The following LARGE1 variants were observed in gnomAD, a reference collection of about 807,000 sequenced individuals.
LARGE1 encodes the protein xylosyl- and glucuronyltransferase LARGE1.
In LARGE1, 43 loss-of-function variants were observed where a neutral mutation model predicts 87.6. The ratio of observed to expected loss-of-function variants is 0.49; its 90% CI spans 0.38 to 0.63. LARGE1 has a LOEUF of 0.63. Among genes scored for constraint, LARGE1 ranks in the 30% least tolerant of loss-of-function variants. The pLI, the probability that LARGE1 is intolerant of heterozygous loss-of-function variation, is 0.00. For missense variants in LARGE1, 802 were observed against 1,000.2 expected (o/e 0.80, Z 2.67); for synonymous variants, 434 against 394.6 (o/e 1.10, Z -1.18).
chr22:33,581,632 T>C (rs573069305), intron 5 of LARGE1, among the ~76,000 whole-genome samples: 1 of 151,844 alleles, frequency 6.6e-6, no homozygotes, highest in South Asian at 2.1e-4. Context: ...ACCAACATGG[T>C]GAAACCCCAT....
rs140740926 is a variant in LARGE1 at position 33,543,050 on chromosome 22, GCT to G, written c.787+21796_787+21797del. 1.9e-3 allele frequency among the ~76,000 whole-genome samples: 289 copies of G among 152,176 alleles called. 2 individuals are homozygous for G. The highest frequency in any genetic ancestry group is 6.3e-3 in the African/African-American group (263 of 41,510). ...GTGCATGTAAGTAAAGCTACAAAATGCTCTGTTTCCCGCTGCTTCTGTACAAG... is the reference window on the plus strand; with the variant it reads ...GTGCATGTAAGTAAAGCTACAAAATGCTGTTTCCCGCTGCTTCTGTACAAG... On this transcript the variant is annotated intron_variant, in intron 6 of 14. Transcript: ENST00000397394.
chr22:33,879,366 T>C (rs1256217108), intron 1 of LARGE1, among the ~76,000 whole-genome samples: 1 of 152,136 alleles, frequency 6.6e-6, no homozygotes, highest in Non-Finnish European at 1.5e-5. Context: ...TAACATGGAA[T>C]CCTCCCAACA....
intron 1 of LARGE1, among the ~76,000 whole-genome samples, chr22:33,914,384 G>C (rs2065724930): frequency 6.6e-6 from 1 of 152,126 alleles, no homozygotes; most frequent in Non-Finnish European, 1.5e-5. Context: ...GTTACATTCA[G>C]GGCTTTGCAA....
intron 6 of LARGE1, among the ~76,000 whole-genome samples, chr22:33,438,919 G>C (rs151283024): frequency 6.6e-6 from 1 of 152,178 alleles, no homozygotes; most frequent in East Asian, 1.9e-4. Context: ...ATCAGATTAA[G>C]ATGATACAAG....
chr22:33,145,697 C>T, the LARGE1 span, among the ~76,000 whole-genome samples: 1 of 152,210 alleles, frequency 6.6e-6, no homozygotes, highest in Non-Finnish European at 1.5e-5. Context: ...GCCTTTTCCT[C>T]AAGTACCTCT....
chr22:33,893,874 C>T (rs183423188), intron 1 of LARGE1, among the ~76,000 whole-genome samples: 80 of 152,256 alleles, frequency 5.3e-4, no homozygotes, highest in Middle Eastern at 3.4e-3. Context: ...TATTAAGGCC[C>T]GCTGAACGTC....
intron 11 of LARGE1, among the ~76,000 whole-genome samples, chr22:33,204,782 C>T (rs1924594969): frequency 6.6e-6 from 1 of 152,076 alleles, no homozygotes; most frequent in Non-Finnish European, 1.5e-5. Context: ...GTGCTGTGTT[C>T]ATGCCTTAAT....
chr22:33,122,982 A>T, the LARGE1 span, among the ~76,000 whole-genome samples: 1 of 152,128 alleles, frequency 6.6e-6, no homozygotes, highest in South Asian at 2.1e-4. Flanking sequence ...TCTGTTGGAT[A>T]AGGGGGAGAA....
the LARGE1 span, among the ~76,000 whole-genome samples, chr22:33,141,514 A>G: frequency 6.6e-6 from 1 of 152,034 alleles, no homozygotes; most frequent in South Asian, 2.1e-4. Flanking sequence ...TTACAGTTAT[A>G]TACGTATAAA....
At chr22:33,309,019 G>A (rs186522894) in intron 11 of LARGE1, among the ~76,000 whole-genome samples, 14 of 152,212 alleles carry the variant, frequency 9.2e-5, no homozygotes, top group Admixed American at 5.9e-4. Context: ...TATTTCCAAT[G>A]CATCTGGTAT....
rs1205997009 is a variant in LARGE1, at chr22:33,550,197, G to GTA, written c.787+14649_787+14650dup. 1.7e-3 allele frequency among the ~76,000 whole-genome samples: 257 copies of GTA among 148,422 alleles called. 1 individual carries two copies. The highest frequency in any genetic ancestry group is 5.5e-3 in the African/African-American group (221 of 40,416). On this transcript the variant is annotated intron_variant, in intron 6 of 14. Coordinates refer to ENST00000397394, the MANE Select transcript of LARGE1 (RefSeq NM_133642.5). ...CACACATATATATATATGTATGTAT[G>GTA]TATATATATATAGAAGTTGTGGAAG...
intron 11 of LARGE1, among the ~76,000 whole-genome samples, chr22:33,259,046 A>C (rs1372647129): frequency 6.6e-6 from 1 of 151,580 alleles, no homozygotes; most frequent in Non-Finnish European, 1.5e-5. Context: ...CCTGGCTAAT[A>C]TATTTGTATT....
chr22:33,660,090 GTT>G (rs35643369), intron 2 of LARGE1, among the ~76,000 whole-genome samples: 44,171 of 124,544 alleles, frequency 0.35, 7,194 homozygotes, highest in South Asian at 0.54. Flanking sequence ...GTGTGTGTGT[GTT>G]TTTTTTTTTT....
intron 11 of LARGE1, among the ~76,000 whole-genome samples, chr22:33,252,256 C>G (rs1415737565): frequency 1.4e-5 from 2 of 138,710 alleles, no homozygotes; most frequent in African/African-American, 5.2e-5. Flanking sequence ...TTCATTCCCC[C>G]CCCCCCCGCC....
chr22:33,478,515 C>T (rs926180414), intron 6 of LARGE1, among the ~76,000 whole-genome samples: 14 of 152,238 alleles, frequency 9.2e-5, no homozygotes, highest in Non-Finnish European at 1.2e-4. Context: ...GGCGAAACTT[C>T]CTCCATGCTG....
chr22:33,880,737 GA>G (rs202074273), intron 1 of LARGE1, among the ~76,000 whole-genome samples: 117 of 151,416 alleles, frequency 7.7e-4, no homozygotes, highest in Non-Finnish European at 1.2e-4. Flanking sequence ...TTAAATTCTG[GA>G]AAAAAAAATT....
intron 12 of LARGE1, among the ~76,000 whole-genome samples, chr22:33,297,483 T>C (rs5998857): frequency 0.054 from 8,220 of 151,348 alleles, 748 homozygotes; most frequent in African/African-American, 0.19. Context: ...TGTGGTGGCA[T>C]GTGCCTATAA....
chr22:33,902,493 T>G (rs2065311599), intron 1 of LARGE1, among the ~76,000 whole-genome samples: 1 of 152,140 alleles, frequency 6.6e-6, no homozygotes. Context: ...AAGGTCCAGA[T>G]TCTCACTATC....
chr22:33,353,917 C>T (rs1940646858), intron 9 of LARGE1, among the ~76,000 whole-genome samples: 1 of 152,154 alleles, frequency 6.6e-6, no homozygotes, highest in South Asian at 2.1e-4. Flanking sequence ...CTGCTAGATG[C>T]CATTGATTTA....
Sources: allele counts gnomAD v4.1 joint callset (sites outside exome capture counted in the v4.1 genomes callset), GRCh38; gene constraint gnomAD v4.1.1; transcripts MANE v1.5; gene names NCBI Gene and HGNC (gene_info 2026-07-23, HGNC 2026-07-21).